The following SBNO1 variants were observed in gnomAD, a reference collection of about 807,000 sequenced individuals.
SBNO1 encodes strawberry notch homolog 1.
A neutral mutation model predicts 173.6 loss-of-function variants in SBNO1; 23 were observed. That is an observed-to-expected ratio of 0.13 (90% CI 0.10 to 0.19). SBNO1 has a LOEUF of 0.19. SBNO1 is among the 10% of genes least tolerant of loss of function. The probability of loss-of-function intolerance (pLI) is 1.00; values close to 1 mark genes in which losing one functional copy is unlikely to be tolerated. For missense variants in SBNO1, 1,238 were observed against 1,671.2 expected (o/e 0.74, Z 4.52); for synonymous variants, 632 against 571.5 (o/e 1.11, Z -1.51).
chr12:123,362,478 CG>C (rs1020554267), intron 1 of SBNO1, among the ~76,000 whole-genome samples: 17 of 116,566 alleles, frequency 1.5e-4, no homozygotes, highest in Non-Finnish European at 2.3e-4. Context: ...AGGATTCTGA[CG>C]GGGGGGCCAA....
intron 8 of SBNO1, among the ~76,000 whole-genome samples, 195 bp downstream of exon 8, chr12:123,331,047 A>C (rs970946523): frequency 8.6e-5 from 13 of 151,656 alleles, no homozygotes; most frequent in African/African-American, 3.1e-4. Context: ...ACTGCAAGCT[A>C]TGCCTCCAGG....
At chr12:123,318,310 T>G (rs1432188846) in intron 20 of SBNO1, among the ~76,000 whole-genome samples, 1 of 151,516 alleles carries the variant, frequency 6.6e-6, no homozygotes, top group African/African-American at 2.4e-5. Flanking sequence ...TGTGGTGGTG[T>G]GTGCCTATAT....
At chr12:123,336,968 C>T (rs1871924721) in intron 5 of SBNO1, among the ~76,000 whole-genome samples, 1 of 152,214 alleles carries the variant, frequency 6.6e-6, no homozygotes, top group Non-Finnish European at 1.5e-5. Flanking sequence ...TCACATTCCA[C>T]CTTCTTCTCA....
Position 123,294,666 on chromosome 12 carries a change from A to AAAAGAAAAGAAAGAAAAAG in SBNO1, c.*1223_*1241dup, listed in dbSNP as rs1566016870. On this transcript the variant is annotated 3_prime_UTR_variant, in exon 32 of 32. Coordinates refer to ENST00000602398, the MANE Select transcript of SBNO1 (RefSeq NM_001167856.3). ...AAAAAAAAAAAAAAAAAAAAAGAAA[A>AAAAGAAAAGAAAGAAAAAG]AAAGAAAAGAAAGAAAAAGAAAGAA... 1 of 162,816 alleles carries AAAAGAAAAGAAAGAAAAAG rather than the reference A, an allele frequency of 6.1e-6. No individual in the cohort carries two copies. Among genetic ancestry groups the AAAAGAAAAGAAAGAAAAAG allele is most frequent in the African/African-American group, 2.7e-5 (1 of 36,912 alleles). 10.1% of individuals were successfully genotyped at this position (162,816 alleles called of 1,614,324 possible).
At chr12:123,324,503 G>A (rs1324070731) in intron 15 of SBNO1, among the ~76,000 whole-genome samples, 1 of 151,896 alleles carries the variant, frequency 6.6e-6, no homozygotes, top group African/African-American at 2.4e-5. Context: ...TGTATTTTTA[G>A]TAGAGACGAG....
In SBNO1 at chr12:123,328,724, T is replaced by C. The variant is rs1169175591; in HGVS notation, c.1296+10A>G. The C allele has an allele frequency of 5.3e-6, 8 of 1,503,216 alleles. No homozygotes were observed. In the South Asian group the frequency reaches 6.8e-5, roughly 13 times the overall value. 93.1% of individuals were successfully genotyped at this position (1,503,216 alleles called of 1,614,324 possible). On this transcript the variant is annotated intron_variant, in intron 10 of 31. Transcript: ENST00000602398. ...TTAAAAAATAGAAAAATATTTGCCA[T>C]AAAGGATACCACTCCATCGAAGTCA...
At chr12:123,347,001 C>T (rs1873234445) in intron 3 of SBNO1, among the ~76,000 whole-genome samples, 1 of 147,590 alleles carries the variant, frequency 6.8e-6, no homozygotes, top group Admixed American at 6.8e-5. Context: ...TTGCTTGAAC[C>T]CAGGAGGCAG....
At chr12:123,330,552 C>T in intron 8 of SBNO1, 43 bp from the exon 9 acceptor site, 1 of 1,035,308 alleles carries the variant, frequency 9.7e-7, no homozygotes. Context: ...CAAATTATAT[C>T]ATTCTAGAAT....
intron 1 of SBNO1, among the ~76,000 whole-genome samples, chr12:123,353,383 G>A (rs1321712661): frequency 1.3e-5 from 2 of 152,134 alleles, no homozygotes; most frequent in Non-Finnish European, 2.9e-5. Flanking sequence ...CAAAATCCAC[G>A]AAGTTTTCTT....
chr12:123,311,756 G>A (rs1454274619), intron 24 of SBNO1, among the ~76,000 whole-genome samples: 1 of 138,030 alleles, frequency 7.2e-6, no homozygotes, highest in Non-Finnish European at 1.5e-5. Flanking sequence ...ATATTTTTGC[G>A]ACAGAGTCTG....
intron 1 of SBNO1, among the ~76,000 whole-genome samples, chr12:123,358,603 C>T (rs893198655): frequency 3.3e-5 from 5 of 151,624 alleles, no homozygotes; most frequent in African/African-American, 7.3e-5. Flanking sequence ...ATTAGCCGGG[C>T]GCGGTGGCAG....
chr12:123,340,767 T>C (rs1163508145), intron 5 of SBNO1, among the ~76,000 whole-genome samples: 1 of 152,142 alleles, frequency 6.6e-6, no homozygotes, highest in East Asian at 1.9e-4. Flanking sequence ...ATATCAGTAC[T>C]GCATGTTAGT....
At chr12:123,310,382 C>T (rs1002714168) in intron 25 of SBNO1, among the ~76,000 whole-genome samples, 7 of 151,762 alleles carry the variant, frequency 4.6e-5, no homozygotes, top group South Asian at 2.1e-4. Context: ...TACAGGCGCC[C>T]GCCACTATGC....
At chr12:123,325,450 G>T in intron 15 of SBNO1, 52 bp downstream of exon 15, 1 of 1,292,456 alleles carries the variant, frequency 7.7e-7, no homozygotes. Flanking sequence ...TGGAACTAAG[G>T]TAAGGAAGAA....
At chr12:123,302,040 A>T (rs950556685) in intron 30 of SBNO1, among the ~76,000 whole-genome samples, 6 of 151,820 alleles carry the variant, frequency 4.0e-5, no homozygotes, top group Admixed American at 3.3e-4. Flanking sequence ...TCCCGGGTTC[A>T]AACAATTCTG....
Position 123,345,587 on chromosome 12 carries a change from A to C in SBNO1, c.238-17T>G. ...AGGCTGCTGCTAGATAGAAAACAAA[A>C]AACACACCACTGAAAAATGCTTCAT... On this transcript the variant is annotated splice_polypyrimidine_tract_variant and intron_variant, in intron 3 of 31. Coordinates refer to ENST00000602398, the MANE Select transcript of SBNO1 (RefSeq NM_001167856.3). 6.2e-7 allele frequency: 1 copy of C among 1,601,964 alleles called. No homozygotes were observed. Among genetic ancestry groups the C allele is most frequent in the Non-Finnish European group, 8.5e-7 (1 of 1,171,008 alleles).
chr12:123,303,785 A>G (rs998217385), intron 29 of SBNO1, among the ~76,000 whole-genome samples: 1 of 152,042 alleles, frequency 6.6e-6, no homozygotes, highest in Non-Finnish European at 1.5e-5. Flanking sequence ...ACTTGAGCCC[A>G]TGAGTTCCAG....
chr12:123,329,880 C>T (rs76919149), intron 9 of SBNO1, among the ~76,000 whole-genome samples: 352 of 152,286 alleles, frequency 2.3e-3, no homozygotes, highest in Admixed American at 7.5e-3. Context: ...TAAAGATTTG[C>T]TAACTGAACC....
rs1207882151 is a variant in SBNO1, at chr12:123,290,719, GT to G, written c.*5188del. On this transcript the variant is annotated 3_prime_UTR_variant, in exon 32 of 32. Coordinates refer to ENST00000602398, the MANE Select transcript of SBNO1 (RefSeq NM_001167856.3). ...CTTGGCTCTCTTTTGGAGGACAATTGTTCCTTAATGTACATTCTCTCTCTTT... is the reference window on the plus strand; with the variant it reads ...CTTGGCTCTCTTTTGGAGGACAATTGTCCTTAATGTACATTCTCTCTCTTT... The G allele has an allele frequency of 6.6e-6, 1 of 151,752 alleles. No homozygotes were observed. The highest frequency in any genetic ancestry group is 1.9e-4 in the East Asian group (1 of 5,162). The allele number at this position is 151,752 out of a possible 1,614,324, so 9.4% of individuals were successfully genotyped here.
Sources: allele counts gnomAD v4.1 joint callset (sites outside exome capture counted in the v4.1 genomes callset), GRCh38; gene constraint gnomAD v4.1.1; transcripts MANE v1.5; gene names NCBI Gene and HGNC (gene_info 2026-07-23, HGNC 2026-07-21).